NBEAL1: variants seen among roughly 807,000 people sequenced by gnomAD.
The protein encoded by NBEAL1 is neurobeachin-like protein 1.
NBEAL1 carries 273 observed loss-of-function variants against 351.3 expected under a neutral mutation model. The ratio of observed to expected loss-of-function variants is 0.78; its 90% CI spans 0.70 to 0.86. NBEAL1 has a LOEUF of 0.86. Among genes scored for constraint, NBEAL1 ranks in the 40% least tolerant of loss-of-function variants. The probability of loss-of-function intolerance (pLI) is 0.00; values close to 1 mark genes in which losing one functional copy is unlikely to be tolerated. For missense variants in NBEAL1, 2,961 were observed against 3,201.3 expected (o/e 0.92, Z 1.81); for synonymous variants, 1,050 against 1,086.4 (o/e 0.97, Z 0.66).
intron 36 of NBEAL1, among the ~76,000 whole-genome samples, chr2:203,163,977 A>G (rs1021274352): frequency 1.3e-5 from 2 of 151,554 alleles, no homozygotes; most frequent in East Asian, 1.9e-4. Context: ...TTCTTATTCA[A>G]CTGTAGGATA....
intron 29 of NBEAL1, among the ~76,000 whole-genome samples, chr2:203,137,757 G>T (rs1480350302): frequency 6.6e-6 from 1 of 152,194 alleles, no homozygotes; most frequent in South Asian, 2.1e-4. Flanking sequence ...GCTAAGGCAG[G>T]TGGATCACCT....
In NBEAL1 at chr2:203,068,430, TA is replaced by T; in HGVS notation, c.554del (p.Tyr185LeufsTer40). The T allele has an allele frequency of 1.3e-6, 2 of 1,548,236 alleles. No homozygotes were observed. Among genetic ancestry groups the T allele is most frequent in the Non-Finnish European group, 1.7e-6 (2 of 1,144,920 alleles). On this transcript the variant is annotated frameshift_variant, in exon 7 of 56. Coordinates refer to ENST00000683969, the MANE Select transcript of NBEAL1 (RefSeq NM_001378026.1). LOFTEE classifies it high-confidence loss of function. ...TACTGTGGAAAAGAGCAGACAGAAA[TA>T]TAAACCAGCTTCTCTCACAGTGGAA... ...LSTVEKSRQK[Y>X]KPASLTVEFV...
Position 203,131,991 on chromosome 2 carries a change from A to C in NBEAL1, c.3583A>C (p.Lys1195Gln). 1 of 1,542,976 alleles carries C rather than the reference A, an allele frequency of 6.5e-7. No individual in the cohort carries two copies. The highest frequency in any genetic ancestry group is 8.7e-7 in the Non-Finnish European group (1 of 1,143,382). Residue 1195 changes from lysine (K) to glutamine (Q), a missense_variant, in exon 26 of 56, where the codon AAA becomes CAA. Lys to Gln is a moderately conservative substitution (Grantham distance 53). Coordinates refer to ENST00000683969, the MANE Select transcript of NBEAL1 (RefSeq NM_001378026.1). The part of the protein sequence containing the change: ...IIFKIMEQML[K>Q]CTNVYERSKQ... ...TGACCAGATTATGGAACAAATGTTGAAATGCACGAACGTTTATGAGCGTAG... is the reference window on the plus strand; with the variant it reads ...TGACCAGATTATGGAACAAATGTTGCAATGCACGAACGTTTATGAGCGTAG...
At chr2:203,104,713 C>T (rs13397552) in intron 12 of NBEAL1, among the ~76,000 whole-genome samples, 137,673 of 152,212 alleles carry the variant, frequency 0.9, 62,888 homozygotes, top group Non-Finnish European at 0.96. Flanking sequence ...TTTAGCACTC[C>T]CTTCAGGATA....
At position 203,134,730 on chromosome 2, in the gene NBEAL1, A is replaced by G. The variant is rs559876493; in HGVS notation, c.3814-947A>G. Among the ~76,000 whole-genome samples the G allele has an allele frequency of 6.4e-4, 97 of 152,350 alleles. 1 individual carries two copies. Among genetic ancestry groups the G allele is most frequent in the African/African-American group, 2.2e-3 (91 of 41,592 alleles). ...TAATCAATTGGATAGTAGAGATCAT[A>G]CGTATTCTCATGTCACTGTTTACTA... On this transcript the variant is annotated intron_variant, in intron 27 of 55. Transcript: ENST00000683969.
intron 6 of NBEAL1, among the ~76,000 whole-genome samples, chr2:203,059,392 G>A (rs879876583): frequency 1.3e-5 from 2 of 152,188 alleles, no homozygotes; most frequent in African/African-American, 4.8e-5. Flanking sequence ...TTTGTGAATA[G>A]GCAGAGAGCC....
Position 203,172,733 on chromosome 2 carries a change from C to G in NBEAL1, c.6203C>G (p.Pro2068Arg), listed in dbSNP as rs1278170615. The change falls in exon 41 of 56, where the codon CCC (proline) becomes CGC (arginine). Residue 2068 changes from proline (P) to arginine (R), a missense_variant. Transcript: ENST00000683969. ...YNDLAQYPVF[P>R]WILQDYTSEE... ...TGTAAATTATGGCTCTTTTAGTTTC[C>G]CTGGATTTTACAAGATTATACTTCG... 1 of 1,600,608 alleles carries G rather than the reference C, an allele frequency of 6.2e-7. No individual in the cohort carries two copies.
chr2:203,126,296 A>G (rs1236746749), intron 21 of NBEAL1, among the ~76,000 whole-genome samples: 3 of 152,214 alleles, frequency 2.0e-5, no homozygotes, highest in Non-Finnish European at 4.4e-5. Context: ...GTAATAGTGT[A>G]TAATCTTTGA....
intron 41 of NBEAL1, among the ~76,000 whole-genome samples, chr2:203,173,809 C>T (rs1226110134): frequency 2.6e-5 from 4 of 152,014 alleles, no homozygotes; most frequent in African/African-American, 9.7e-5. Flanking sequence ...TGCATAGATA[C>T]AAATGGCTTT....
At chr2:203,038,324 C>G (rs1426702327) in intron 2 of NBEAL1, among the ~76,000 whole-genome samples, 2 of 148,798 alleles carry the variant, frequency 1.3e-5, no homozygotes, top group African/African-American at 4.9e-5. Flanking sequence ...ATACTGCCAC[C>G]AGTAATGTAT....
At position 203,029,207 on chromosome 2, in the gene NBEAL1, C is replaced by G. The variant is rs1655623175; in HGVS notation, c.52-12558C>G. The stretch of plus-strand genomic sequence containing the variant: ...GTTTTACCATGTTGGCCAGGCTGGT[C>G]TCAAACTCCTGGCCTCAAGTGCTCT... On this transcript the variant is annotated intron_variant, in intron 2 of 55. Coordinates refer to ENST00000683969, the MANE Select transcript of NBEAL1 (RefSeq NM_001378026.1). Among the ~76,000 whole-genome samples, 3 of 152,112 alleles carry G rather than the reference C, an allele frequency of 2.0e-5. No homozygotes were observed. In the South Asian group the frequency reaches 6.2e-4, roughly 32 times the overall value.
At chr2:203,136,491 T>C in intron 28 of NBEAL1, 108 bp from the exon 29 acceptor site, 1 of 893,584 alleles carries the variant, frequency 1.1e-6, no homozygotes, top group South Asian at 2.0e-5. Context: ...CATTAAGGAC[T>C]TTAAAAATAT....
At chr2:203,146,165 C>T (rs1419838048) in intron 33 of NBEAL1, among the ~76,000 whole-genome samples, 1 of 152,016 alleles carries the variant, frequency 6.6e-6, no homozygotes, top group Non-Finnish European at 1.5e-5. Flanking sequence ...AATTTTTTGA[C>T]TGACACAAAT....
At position 203,209,229 on chromosome 2, in the gene NBEAL1, G is replaced by T; in HGVS notation, c.7692G>T (p.Glu2564Asp). The change falls in exon 53 of 56, where the codon GAG becomes GAT. Residue 2564 changes from glutamate to aspartate, a missense_variant. By Grantham distance (45) the Glu-to-Asp change is conservative (BLOSUM62 2). Transcript: ENST00000683969. ...TGAGGACTTTACGACCACCTTGTGAGAGTTCTCTGTTCCTGACCATTCCTA... is the reference window on the plus strand; with the variant it reads ...TGAGGACTTTACGACCACCTTGTGATAGTTCTCTGTTCCTGACCATTCCTA... Reference protein sequence around the residue: ...QYMRTLRPPCESSLFLTIPNL... With the variant: ...QYMRTLRPPCDSSLFLTIPNL... 2 of 1,613,664 alleles carry T rather than the reference G, an allele frequency of 1.2e-6. No homozygotes were observed. The highest frequency in any genetic ancestry group is 1.7e-6 in the Non-Finnish European group (2 of 1,179,616).
Position 203,136,046 on chromosome 2 carries a change from A to C in NBEAL1, c.4183A>C (p.Ser1395Arg). ...KSENQEEFWH[S>R]NPSHLSLDLS... ...AGAGAATCAAGAGGAATTCTGGCAT[A>C]GTAACCCTTCACATTTGAGTTTAGA... is the stretch of plus-strand genomic sequence containing the variant. Residue 1395 changes from serine to arginine, a missense_variant, in exon 28 of 56, where the codon AGT becomes CGT. Ser to Arg is a moderately radical substitution (Grantham distance 110). Coordinates refer to ENST00000683969, the MANE Select transcript of NBEAL1 (RefSeq NM_001378026.1). 1 of 1,613,800 alleles carries C rather than the reference A, an allele frequency of 6.2e-7. No homozygotes were observed. The highest frequency in any genetic ancestry group is 1.7e-5 in the Admixed American group (1 of 59,970).
At chr2:203,085,481 T>C (rs1174558163) in intron 10 of NBEAL1, 1 of 152,286 alleles carries the variant, frequency 6.6e-6, no homozygotes, top group Non-Finnish European at 1.5e-5. Flanking sequence ...TCACAAAATA[T>C]ATGTTGTCTT....
At chr2:203,111,936 A>G in intron 15 of NBEAL1, 43 bp from the exon 16 acceptor site, 1 of 1,530,274 alleles carries the variant, frequency 6.5e-7, no homozygotes, top group Non-Finnish European at 8.8e-7. Flanking sequence ...TTCCAAAGAC[A>G]TAATGTAATT....
chr2:203,085,914 A>G (rs901411411), intron 10 of NBEAL1: 1 of 152,230 alleles, frequency 6.6e-6, no homozygotes, highest in South Asian at 2.1e-4. Context: ...AAGCTGAATA[A>G]TATCAATAGG....
intron 2 of NBEAL1, among the ~76,000 whole-genome samples, chr2:203,020,831 G>C (rs1445260171): frequency 6.6e-6 from 1 of 152,074 alleles, no homozygotes; most frequent in African/African-American, 2.4e-5. Flanking sequence ...CTTGTATCTG[G>C]ATTTTAGTTC....
Sources: gnomAD v4.1 joint callset for allele counts (sites outside exome capture counted in the v4.1 genomes callset) on GRCh38, gnomAD v4.1.1 for gene constraint, MANE v1.5 for transcripts, NCBI Gene and HGNC (gene_info 2026-07-23, HGNC 2026-07-21) for gene names.